The following CNTNAP5 variants were observed in gnomAD, a reference collection of about 807,000 sequenced individuals.
The protein encoded by CNTNAP5 is contactin associated protein family member 5.
Under a neutral mutation model 150.2 loss-of-function variants are expected in CNTNAP5, and 72 were observed. That is an observed-to-expected ratio of 0.48 (90% CI 0.40 to 0.58). The LOEUF is 0.58. Ranked by LOEUF, CNTNAP5 falls within the 20% of genes least tolerant of loss-of-function variation. The probability of loss-of-function intolerance (pLI) is 0.00; values close to 1 mark genes in which losing one functional copy is unlikely to be tolerated. For synonymous variants in CNTNAP5, 672 were observed against 619.8 expected, an observed-to-expected ratio of 1.08 and a Z score of -1.25; for missense variants, 1,636 against 1,626.2, an observed-to-expected ratio of 1.01 and a Z score of -0.10.
chr2:124,587,597 A>G (rs1305841241), intron 11 of CNTNAP5, among the ~76,000 whole-genome samples: 1 of 151,986 alleles, frequency 6.6e-6, no homozygotes, highest in African/African-American at 2.4e-5. Context: ...ATTCTTCCTC[A>G]GGGGGATTGT....
Position 124,908,421 on chromosome 2 carries a change from A to C in CNTNAP5, c.3656-3046A>C, listed in dbSNP as rs369709131. On this transcript the variant is annotated intron_variant, in intron 22 of 23. Transcript: ENST00000682447. ...ACAAAACAAAACAAAAAAACAGAAA[A>C]AGGTCATGATCTAATAAACCATAAT... Among the ~76,000 whole-genome samples, 49 of 152,180 alleles carry C rather than the reference A, an allele frequency of 3.2e-4. 1 individual carries two copies. The South Asian group carries it at 7.5e-3, about 23-fold the overall frequency.
chr2:124,314,698 A>G lies in CNTNAP5; in HGVS notation c.381+72305A>G, dbSNP rs139706591. Among the ~76,000 whole-genome samples, 571 of 152,312 alleles carry G rather than the reference A, an allele frequency of 3.7e-3. 3 individuals carry two copies. Among genetic ancestry groups the G allele is most frequent in the African/African-American group, 0.012 (489 of 41,572 alleles). On this transcript the variant is annotated intron_variant, in intron 3 of 23. Transcript: ENST00000682447. Reference sequence around the variant, plus strand: ...GAAAATAAAAATCTCTAATAATCTCATCATTTTTACCCAGGCATTTCAAAA... The same window carrying G: ...GAAAATAAAAATCTCTAATAATCTCGTCATTTTTACCCAGGCATTTCAAAA...
At position 124,647,855 on chromosome 2, in the gene CNTNAP5, C is replaced by T. The variant is rs370859068; in HGVS notation, c.1974C>T (p.Tyr658=). 1.6e-4 allele frequency: 256 copies of T among 1,613,242 alleles called. 1 individual carries two copies. The highest frequency in any genetic ancestry group is 6.6e-4 in the Middle Eastern group (4 of 6,070). The change falls in exon 13 of 24, where the codon TAC becomes TAT. Residue 658 remains tyrosine (Y), a synonymous_variant. Transcript: ENST00000682447. The part of the protein sequence containing the change: ...PEKPYAMALD[Y]GGSMEQLEAV... The stretch of plus-strand genomic sequence containing the variant: ...AGCCCTATGCCATGGCCTTGGACTA[C>T]GGGGGCAGCATGGAACAGCTGGAGG...
chr2:124,272,796 A>C (rs1558829424), intron 3 of CNTNAP5, among the ~76,000 whole-genome samples: 1 of 152,212 alleles, frequency 6.6e-6, no homozygotes, highest in Non-Finnish European at 1.5e-5. Flanking sequence ...TATCTATACA[A>C]TATTATTTCA....
chr2:124,548,717 A>G (rs1695570060), intron 10 of CNTNAP5, among the ~76,000 whole-genome samples: 1 of 152,238 alleles, frequency 6.6e-6, no homozygotes. Context: ...CTGCAAGTAT[A>G]AGTGACAAAA....
chr2:124,497,845 T>G (rs1198782618), intron 7 of CNTNAP5, among the ~76,000 whole-genome samples: 1 of 152,320 alleles, frequency 6.6e-6, no homozygotes, highest in Non-Finnish European at 1.5e-5. Flanking sequence ...TCCATCCTTG[T>G]GTCTATCAGC....
At chr2:124,229,738 G>A (rs576573120) in intron 2 of CNTNAP5, among the ~76,000 whole-genome samples, 1 of 152,234 alleles carries the variant, frequency 6.6e-6, no homozygotes, top group East Asian at 1.9e-4. Context: ...AGGAAGTGCA[G>A]GGGTTGGTGG....
At chr2:124,407,362 G>A (rs1010250902) in intron 3 of CNTNAP5, among the ~76,000 whole-genome samples, 56 of 152,108 alleles carry the variant, frequency 3.7e-4, no homozygotes, top group Non-Finnish European at 7.4e-5. Context: ...ATATTTGAAA[G>A]CTATTTTTTT....
rs1441766120 is a variant in CNTNAP5, at chr2:124,915,069, CA to C, written c.*785del. 6.2e-6 allele frequency: 1 copy of C among 160,548 alleles called. No individual in the cohort carries two copies. Among genetic ancestry groups the C allele is most frequent in the Non-Finnish European group, 1.5e-5 (1 of 68,004 alleles). 9.9% of individuals were successfully genotyped at this position (160,548 alleles called of 1,614,324 possible). ...CTAGGAAGTAGATGTTCCATATCTT[CA>C]AAATGCCTCCTCCAATTTTGTAAGA... is the stretch of plus-strand genomic sequence containing the variant. On this transcript the variant is annotated 3_prime_UTR_variant, in exon 24 of 24. Coordinates refer to ENST00000682447, the MANE Select transcript of CNTNAP5 (RefSeq NM_001367498.1).
intron 1 of CNTNAP5, among the ~76,000 whole-genome samples, chr2:124,119,337 A>T (rs1333749221): frequency 2.7e-5 from 4 of 146,914 alleles, no homozygotes; most frequent in Admixed American, 2.1e-4. Flanking sequence ...TCTTTTTAGA[A>T]TGAACATTTC....
intron 1 of CNTNAP5, among the ~76,000 whole-genome samples, chr2:124,216,588 G>C (rs1238034656): frequency 6.6e-6 from 1 of 151,798 alleles, no homozygotes; most frequent in Non-Finnish European, 1.5e-5. Flanking sequence ...CCCTTCCTTT[G>C]TCCATGTGTT....
rs146239895 is a variant in CNTNAP5 at position 124,335,669 on chromosome 2, C to T, written c.382-81774C>T. Among the ~76,000 whole-genome samples, 6 of 151,190 alleles carry T rather than the reference C, an allele frequency of 4.0e-5. No homozygotes were observed. The East Asian group carries it at 5.9e-4, about 15-fold the overall frequency. On this transcript the variant is annotated intron_variant, in intron 3 of 23. Transcript: ENST00000682447. ...TCTAAATTTGAAAAGGAAGGAAAGACAGGAAGTGATGTTTACCACTCACTC... is the reference window on the plus strand; with the variant it reads ...TCTAAATTTGAAAAGGAAGGAAAGATAGGAAGTGATGTTTACCACTCACTC...
intron 13 of CNTNAP5, among the ~76,000 whole-genome samples, chr2:124,668,049 G>A (rs1678736574): frequency 6.6e-6 from 1 of 152,194 alleles, no homozygotes; most frequent in South Asian, 2.1e-4. Flanking sequence ...AGTCATTACA[G>A]GAAAGAGTGA....
chr2:124,646,089 T>C (rs1678196533), intron 12 of CNTNAP5, among the ~76,000 whole-genome samples: 1 of 152,208 alleles, frequency 6.6e-6, no homozygotes, highest in Non-Finnish European at 1.5e-5. Context: ...ATCCAAACCA[T>C]ATCATGCTGG....
At chr2:124,099,844 T>A (rs1476674155) in intron 1 of CNTNAP5, among the ~76,000 whole-genome samples, 2 of 151,980 alleles carry the variant, frequency 1.3e-5, no homozygotes, top group African/African-American at 4.8e-5. Context: ...TCATGAAAAC[T>A]CTATCACAAG....
chr2:124,074,658 G>C (rs1031701139), intron 1 of CNTNAP5, among the ~76,000 whole-genome samples: 1 of 152,072 alleles, frequency 6.6e-6, no homozygotes, highest in Non-Finnish European at 1.5e-5. Context: ...CTCCTAGACA[G>C]CACTTACCAG....
chr2:124,739,820 A>C (rs1180166890), intron 13 of CNTNAP5, among the ~76,000 whole-genome samples: 1 of 152,000 alleles, frequency 6.6e-6, no homozygotes, highest in Non-Finnish European at 1.5e-5. Flanking sequence ...CCCTGGTGAG[A>C]AGTCATATTT....
intron 13 of CNTNAP5, among the ~76,000 whole-genome samples, chr2:124,716,817 T>G (rs1307902332): frequency 6.6e-6 from 1 of 152,284 alleles, no homozygotes; most frequent in Non-Finnish European, 1.5e-5. Context: ...AAAATAAAAT[T>G]AGGCTGTTGT....
chr2:124,494,653 G>A (rs1694106418), intron 7 of CNTNAP5, among the ~76,000 whole-genome samples: 1 of 152,194 alleles, frequency 6.6e-6, no homozygotes, highest in African/African-American at 2.4e-5. Context: ...CCTTATGTGA[G>A]TAGACTGGAC....
Sources: gnomAD v4.1 joint callset for allele counts (sites outside exome capture counted in the v4.1 genomes callset) on GRCh38, gnomAD v4.1.1 for gene constraint, MANE v1.5 for transcripts, NCBI Gene and HGNC (gene_info 2026-07-23, HGNC 2026-07-21) for gene names.